CNTN3: variants seen among roughly 807,000 people sequenced by gnomAD.
CNTN3 encodes contactin 3.
Under a neutral mutation model 119.1 loss-of-function variants are expected in CNTN3, and 60 were observed. The observed-to-expected ratio is 0.50, with a 90% CI of 0.41 to 0.62. CNTN3 has a LOEUF of 0.62. Ranked by LOEUF, CNTN3 falls within the 20% of genes least tolerant of loss-of-function variation. The probability of loss-of-function intolerance (pLI) is 0.00; values close to 1 mark genes in which losing one functional copy is unlikely to be tolerated. For missense variants in CNTN3, 1,101 were observed against 1,242.4 expected (o/e 0.89, Z 1.71); for synonymous variants, 450 against 438.7 (o/e 1.03, Z -0.32).
intron 5 of CNTN3, among the ~76,000 whole-genome samples, chr3:74,394,995 A>T (rs937612161): frequency 6.6e-6 from 1 of 152,192 alleles, no homozygotes; most frequent in Non-Finnish European, 1.5e-5. Context: ...ACAAATTAAT[A>T]AGATAAAATG....
chr3:74,439,737 T>C (rs151151630), intron 4 of CNTN3, among the ~76,000 whole-genome samples: 2 of 152,290 alleles, frequency 1.3e-5, no homozygotes, highest in African/African-American at 4.8e-5. Context: ...CTGATTCCTT[T>C]TCAGTCCATA....
chr3:74,344,487 G>A (rs1303254900), intron 11 of CNTN3, among the ~76,000 whole-genome samples: 1 of 126,024 alleles, frequency 7.9e-6, no homozygotes, highest in African/African-American at 3.1e-5. Flanking sequence ...GTACAGTGGC[G>A]CGATCTGGGC....
intron 5 of CNTN3, among the ~76,000 whole-genome samples, chr3:74,421,815 C>T (rs1701620494): frequency 6.6e-6 from 1 of 152,146 alleles, no homozygotes; most frequent in African/African-American, 2.4e-5. Context: ...GCTTCAGCTG[C>T]TCTCTGACCT....
chr3:74,574,557 G>C (rs571733293), intron 1 of CNTN3, among the ~76,000 whole-genome samples: 1 of 152,218 alleles, frequency 6.6e-6, no homozygotes, highest in East Asian at 1.9e-4. Flanking sequence ...AAGCCATCTA[G>C]GTTTGCTCTC....
intron 20 of CNTN3, among the ~76,000 whole-genome samples, chr3:74,274,723 T>G (rs551789890): frequency 6.8e-4 from 103 of 152,248 alleles, no homozygotes; most frequent in Non-Finnish European, 1.3e-3. Context: ...AAAACAACTC[T>G]GGTAATATGA....
chr3:74,603,764 T>C (rs1048628813), intron 1 of CNTN3, among the ~76,000 whole-genome samples: 6 of 152,000 alleles, frequency 3.9e-5, no homozygotes, highest in Admixed American at 2.6e-4. Flanking sequence ...ACAGATTCAG[T>C]GCAAGTCCTA....
At chr3:74,520,775 A>T (rs1703530627) in intron 2 of CNTN3, among the ~76,000 whole-genome samples, 2 of 151,592 alleles carry the variant, frequency 1.3e-5, no homozygotes, top group South Asian at 2.1e-4. Context: ...AACATGCTCA[A>T]ATTTGATGTT....
At chr3:74,454,410 C>A (rs1337032089) in intron 4 of CNTN3, among the ~76,000 whole-genome samples, 2 of 150,570 alleles carry the variant, frequency 1.3e-5, no homozygotes, top group South Asian at 4.2e-4. Flanking sequence ...TGTGTCTCTG[C>A]ACGTGAGATG....
intron 13 of CNTN3, among the ~76,000 whole-genome samples, chr3:74,328,726 C>T (rs930003026): frequency 6.6e-6 from 1 of 152,130 alleles, no homozygotes; most frequent in Non-Finnish European, 1.5e-5. Flanking sequence ...AACTACACAT[C>T]AACAGTTTTG....
Position 74,588,324 on chromosome 3 carries a change from G to C in CNTN3, c.-81+26067C>G, listed in dbSNP as rs537094368. Among the ~76,000 whole-genome samples, 27 of 152,112 alleles carry C rather than the reference G, an allele frequency of 1.8e-4. No individual in the cohort carries two copies. The East Asian group carries it at 5.2e-3, about 30-fold the overall frequency. ...TATACACCAATAACAGACAAACAGA[G>C]AGCCAAATCATGAGTGAACTCCCGT... On this transcript the variant is annotated intron_variant, in intron 1 of 22. Transcript: ENST00000263665.
At chr3:74,288,298 A>G (rs1453419596) in intron 19 of CNTN3, among the ~76,000 whole-genome samples, 1 of 151,350 alleles carries the variant, frequency 6.6e-6, no homozygotes, top group Non-Finnish European at 1.5e-5. Context: ...AGCAGGGATT[A>G]TAGGTGCCTG....
chr3:74,564,910 G>T lies in CNTN3; in HGVS notation c.-80-43718C>A, dbSNP rs575373796. On this transcript the variant is annotated intron_variant, in intron 1 of 22. Coordinates refer to ENST00000263665, the MANE Select transcript of CNTN3 (RefSeq NM_020872.3). ...AAATGTGATGTTAGAGAACAGGCTG[G>T]TACTAAGACAGAATATTATTTCTTT... 2.0e-5 allele frequency among the ~76,000 whole-genome samples: 3 copies of T among 152,092 alleles called. No individual in the cohort carries two copies. In the East Asian group the frequency reaches 5.8e-4, roughly 30 times the overall value.
intron 4 of CNTN3, among the ~76,000 whole-genome samples, chr3:74,452,315 T>C: frequency 8.0e-6 from 1 of 125,294 alleles, no homozygotes; most frequent in Non-Finnish European, 1.6e-5. Flanking sequence ...GGCTCTCTGT[T>C]TGTCTGTTAT....
At chr3:74,324,336 C>T (rs900592323) in intron 13 of CNTN3, among the ~76,000 whole-genome samples, 2 of 152,000 alleles carry the variant, frequency 1.3e-5, no homozygotes, top group Non-Finnish European at 2.9e-5. Context: ...CTCAGCCTCC[C>T]GAGTAGCTGG....
chr3:74,503,902 T>A (rs1703207339), intron 2 of CNTN3, among the ~76,000 whole-genome samples: 1 of 152,042 alleles, frequency 6.6e-6, no homozygotes, highest in African/African-American at 2.4e-5. Flanking sequence ...TAAGGTGTTA[T>A]TTTTCCCCCC....
intron 1 of CNTN3, among the ~76,000 whole-genome samples, chr3:74,523,455 C>T (rs1232931176): frequency 6.6e-6 from 1 of 151,800 alleles, no homozygotes; most frequent in Non-Finnish European, 1.5e-5. Flanking sequence ...ATGATAGTAA[C>T]ATGCACTAAA....
At chr3:74,570,702 G>C (rs895160059) in intron 1 of CNTN3, among the ~76,000 whole-genome samples, 8 of 152,102 alleles carry the variant, frequency 5.3e-5, no homozygotes, top group African/African-American at 1.7e-4. Flanking sequence ...AAAAACTAAG[G>C]ATATGAGAGT....
chr3:74,430,616 G>T (rs1034779546), intron 4 of CNTN3, among the ~76,000 whole-genome samples: 1 of 151,990 alleles, frequency 6.6e-6, no homozygotes, highest in African/African-American at 2.4e-5. Context: ...TAAACTAGTG[G>T]TTGCCAATGT....
At chr3:74,585,808 T>C (rs1227482741) in intron 1 of CNTN3, among the ~76,000 whole-genome samples, 1 of 152,152 alleles carries the variant, frequency 6.6e-6, no homozygotes, top group Non-Finnish European at 1.5e-5. Context: ...ATGTATTTAA[T>C]GTTGGATAAA....
Sources: gnomAD v4.1 joint callset for allele counts (sites outside exome capture counted in the v4.1 genomes callset) on GRCh38, gnomAD v4.1.1 for gene constraint, MANE v1.5 for transcripts, NCBI Gene and HGNC (gene_info 2026-07-23, HGNC 2026-07-21) for gene names.